The following CUX1 variants were observed in gnomAD, a reference collection of about 807,000 sequenced individuals.
The protein encoded by CUX1 is protein CASP.
Under a neutral mutation model 158.8 loss-of-function variants are expected in CUX1, and 31 were observed. That is an observed-to-expected ratio of 0.20 (90% confidence interval 0.15 to 0.26). CUX1 has a LOEUF of 0.26. CUX1 is among the 10% of genes least tolerant of loss of function. The pLI, the probability that CUX1 is intolerant of heterozygous loss-of-function variation, is 1.00. For synonymous variants in CUX1, 879 were observed against 862.1 expected, an observed-to-expected ratio of 1.02 and a Z score of -0.34; for missense variants, 1,589 against 2,014.6, an observed-to-expected ratio of 0.79 and a Z score of 4.04.
chr7:102,131,362 T>C (rs1833210565), intron 8 of CUX1, among the ~76,000 whole-genome samples: 1 of 151,914 alleles, frequency 6.6e-6, no homozygotes, highest in Non-Finnish European at 1.5e-5. Flanking sequence ...TATATAAAAA[T>C]TGCTCAATTG....
intron 6 of CUX1, among the ~76,000 whole-genome samples, chr7:102,107,341 C>A (rs1830463435): frequency 6.6e-6 from 1 of 152,118 alleles, no homozygotes; most frequent in African/African-American, 2.4e-5. Context: ...GAGTTCAAGA[C>A]CAGCCTGACC....
chr7:101,934,982 G>A (rs1806745852), intron 2 of CUX1, among the ~76,000 whole-genome samples: 1 of 152,056 alleles, frequency 6.6e-6, no homozygotes, highest in East Asian at 1.9e-4. Flanking sequence ...TGGATGGAGG[G>A]GATCTGTGAG....
At chr7:102,232,019 T>G (rs1375700273) in intron 21 of CUX1, among the ~76,000 whole-genome samples, 1 of 151,946 alleles carries the variant, frequency 6.6e-6, no homozygotes, top group Non-Finnish European at 1.5e-5. Flanking sequence ...GGCCAAAATT[T>G]TCTTATAACA....
chr7:102,021,537 G>A (rs1819342416), intron 2 of CUX1, among the ~76,000 whole-genome samples: 1 of 151,750 alleles, frequency 6.6e-6, no homozygotes, highest in African/African-American at 2.4e-5. Context: ...CGAATGCCTG[G>A]GCTCAAGCAA....
chr7:101,994,822 G>A (rs1193052553), intron 2 of CUX1, among the ~76,000 whole-genome samples: 1 of 151,416 alleles, frequency 6.6e-6, no homozygotes, highest in Non-Finnish European at 1.5e-5. Flanking sequence ...AGGCACGGTG[G>A]CTTATGTCGG....
At chr7:101,923,795 G>A (rs1480766497) in intron 2 of CUX1, among the ~76,000 whole-genome samples, 1 of 152,200 alleles carries the variant, frequency 6.6e-6, no homozygotes, top group Admixed American at 6.5e-5. Context: ...TGTCGGAGAC[G>A]CCTGGCTCAG....
chr7:101,902,182 G>T (rs936666082), intron 1 of CUX1, among the ~76,000 whole-genome samples: 1 of 152,188 alleles, frequency 6.6e-6, no homozygotes, highest in Non-Finnish European at 1.5e-5. Flanking sequence ...GAGAGCCTCA[G>T]TTGGACAGTC....
intron 18 of CUX1, among the ~76,000 whole-genome samples, chr7:102,278,910 C>T (rs557549056): frequency 5.6e-4 from 85 of 151,450 alleles, no homozygotes; most frequent in South Asian, 1.5e-3. Context: ...CATCGTGGCA[C>T]GTGCCTGTAG....
At position 102,256,122 on chromosome 7, in the gene CUX1, G is replaced by A. The variant is rs782423995; in HGVS notation, c.*7080G>A. Reference sequence around the variant, plus strand: ...ACTGTGCTGGGCGTGCAGGGCCCGCGGGCTCTGGCCGGAGCCGCTGGCCTG... The same window carrying A: ...ACTGTGCTGGGCGTGCAGGGCCCGCAGGCTCTGGCCGGAGCCGCTGGCCTG... On this transcript the variant is annotated 3_prime_UTR_variant, in exon 24 of 24. Transcript: ENST00000292535. The A allele has an allele frequency of 1.8e-4, 182 of 985,242 alleles. No individual in the cohort carries two copies. Among genetic ancestry groups the A allele is most frequent in the Non-Finnish European group, 2.1e-4 (176 of 829,922 alleles). The allele number at this position is 985,242 out of a possible 1,614,324, so 61.0% of individuals were successfully genotyped here.
chr7:101,988,186 G>A (rs1424732231), intron 2 of CUX1, among the ~76,000 whole-genome samples: 2 of 151,496 alleles, frequency 1.3e-5, no homozygotes, highest in Non-Finnish European at 2.9e-5. Context: ...ACTCCAGCCT[G>A]GGCAACAGAG....
rs1176110964 is a variant in CUX1 at position 102,280,931 on chromosome 7, T to G, written c.1821+71T>G. ...CTCTGTCTCCAGGCACCTCTTCACCTGCCCTGCAGCCCAGGCTGGAGGAGC... is the reference window on the plus strand; with the variant it reads ...CTCTGTCTCCAGGCACCTCTTCACCGGCCCTGCAGCCCAGGCTGGAGGAGC... On this transcript the variant is annotated intron_variant, in intron 20 of 22. Transcript: ENST00000292538. 3.5e-6 allele frequency: 5 copies of G among 1,426,796 alleles called. No individual in the cohort carries two copies. In the African/African-American group the frequency reaches 7.1e-5, roughly 20 times the overall value. 88.4% of individuals were successfully genotyped at this position (1,426,796 alleles called of 1,614,324 possible).
At chr7:102,143,706 G>A (rs1563304218) in intron 8 of CUX1, among the ~76,000 whole-genome samples, 1 of 152,198 alleles carries the variant, frequency 6.6e-6, no homozygotes, top group South Asian at 2.1e-4. Flanking sequence ...TTCCGGGAAG[G>A]TAACTGTCTT....
At chr7:101,850,487 C>T (rs112587074) in intron 1 of CUX1, among the ~76,000 whole-genome samples, 21 of 141,242 alleles carry the variant, frequency 1.5e-4, no homozygotes, top group Admixed American at 2.3e-4. Flanking sequence ...TGCCGTGGTG[C>T]GATCATGGCT....
At chr7:101,854,801 G>T (rs1030335267) in intron 1 of CUX1, among the ~76,000 whole-genome samples, 1 of 152,154 alleles carries the variant, frequency 6.6e-6, no homozygotes, top group Non-Finnish European at 1.5e-5. Context: ...CTGGAGTGCA[G>T]TGGCATCATC....
chr7:101,866,605 C>T (rs1797947750), intron 1 of CUX1, among the ~76,000 whole-genome samples: 1 of 152,014 alleles, frequency 6.6e-6, no homozygotes, highest in South Asian at 2.1e-4. Flanking sequence ...GCATTCCAGC[C>T]TGGGTGACAG....
intron 16 of CUX1, among the ~76,000 whole-genome samples, chr7:102,199,600 C>T (rs1490793440): frequency 1.3e-5 from 2 of 152,222 alleles, no homozygotes; most frequent in Admixed American, 6.5e-5. Context: ...AGCCTTTCTT[C>T]ACCCTGTGCC....
intron 2 of CUX1, among the ~76,000 whole-genome samples, chr7:101,968,393 A>C (rs1433560584): frequency 6.6e-6 from 1 of 152,036 alleles, no homozygotes; most frequent in Admixed American, 6.6e-5. Flanking sequence ...TGGGAGTCCC[A>C]AGCCACATGG....
At chr7:101,853,602 TG>T (rs1796504334) in intron 1 of CUX1, among the ~76,000 whole-genome samples, 1 of 151,884 alleles carries the variant, frequency 6.6e-6, no homozygotes, top group Non-Finnish European at 1.5e-5. Context: ...TGTGTGTGTG[TG>T]TGTGTGTGTG....
At chr7:101,993,327 C>T (rs575881597) in intron 2 of CUX1, among the ~76,000 whole-genome samples, 123 of 142,788 alleles carry the variant, frequency 8.6e-4, no homozygotes, top group African/African-American at 3.0e-3. Flanking sequence ...GTGACTCCGT[C>T]TCAAAAATAA....
Sources: allele counts gnomAD v4.1 joint callset (sites outside exome capture counted in the v4.1 genomes callset), GRCh38; gene constraint gnomAD v4.1.1; transcripts MANE v1.5; gene names NCBI Gene and HGNC (gene_info 2026-07-23, HGNC 2026-07-21).